Variants in PKM observed in about 807,000 individuals in gnomAD.
PKM encodes the protein pyruvate kinase M1/2, also known as pyruvate kinase PKM.
Under a neutral mutation model 49.8 loss-of-function variants are expected in PKM, and 18 were observed. The observed-to-expected ratio is 0.36, with a 90% confidence interval of 0.25 to 0.54. PKM has a LOEUF of 0.54. Among genes scored for constraint, PKM ranks in the 20% least tolerant of loss-of-function variants. PKM has a pLI of 0.89. For missense variants in PKM, 508 were observed against 713.8 expected (o/e 0.71, Z 3.28); for synonymous variants, 239 against 261.8 (o/e 0.91, Z 0.84).
chr15:72,227,367 G>A (rs916718352), intron 1 of PKM, among the ~76,000 whole-genome samples: 4 of 152,188 alleles, frequency 2.6e-5, no homozygotes, highest in Non-Finnish European at 4.4e-5. Context: ...AGAAAGAAGG[G>A]TAATGTCAAA....
At chr15:72,208,244 G>A (rs2082135978) in intron 6 of PKM, among the ~76,000 whole-genome samples, 1 of 152,008 alleles carries the variant, frequency 6.6e-6, no homozygotes, top group African/African-American at 2.4e-5. Context: ...TTAAGTGTCT[G>A]CTGTCATCTT....
chr15:72,205,144 G>A (rs1007947825), intron 8 of PKM, among the ~76,000 whole-genome samples: 1 of 151,490 alleles, frequency 6.6e-6, no homozygotes, highest in Non-Finnish European at 1.5e-5. Flanking sequence ...TCTTTTTTGA[G>A]ACAGGGTGTC....
At chr15:72,219,274 G>A (rs988062591) in intron 1 of PKM, 164 bp from the exon 2 acceptor site, 3 of 624,638 alleles carry the variant, frequency 4.8e-6, no homozygotes, top group Admixed American at 5.8e-5. Flanking sequence ...TGCTCCTCAT[G>A]TTAGAAAAAG....
Position 72,202,997 on chromosome 15 carries a change from G to GTGT in PKM, c.1141-380_1141-378dup, listed in dbSNP as rs766825013. The GTGT allele has an allele frequency of 3.1e-6, 5 of 1,610,566 alleles. No individual in the cohort carries two copies. In the South Asian group the frequency reaches 5.5e-5, roughly 18 times the overall value. On this transcript the variant is annotated intron_variant, in intron 8 of 10. Transcript: ENST00000335181. The surrounding 1 kb of genome is among the most constrained non-coding windows in gnomAD (Gnocchi z 4.5). ...GAGCAAGAGGCTGGTTATCCTAACAGTGTTACCTGCCCTTAGGGCCCTACC... is the reference window on the plus strand; with the variant it reads ...GAGCAAGAGGCTGGTTATCCTAACAGTGTTGTTACCTGCCCTTAGGGCCCTACC...
At chr15:72,221,568 A>C (rs2082525928) in intron 1 of PKM, among the ~76,000 whole-genome samples, 1 of 152,026 alleles carries the variant, frequency 6.6e-6, no homozygotes, top group Admixed American at 6.6e-5. Flanking sequence ...GATTACAGAA[A>C]AAAAAAAATC....
chr15:72,222,685 T>C (rs891390937), intron 1 of PKM, among the ~76,000 whole-genome samples: 4 of 152,112 alleles, frequency 2.6e-5, no homozygotes, highest in East Asian at 1.9e-4. Context: ...AAGCCTGGCG[T>C]ATCCACTGAT....
chr15:72,227,732 G>C (rs1341484554), intron 1 of PKM, among the ~76,000 whole-genome samples: 2 of 34,134 alleles, frequency 5.9e-5, no homozygotes, highest in Non-Finnish European at 5.7e-5. Flanking sequence ...GGCAACAAGA[G>C]CAAAACTATC....
chr15:72,227,768 A>AAAAAAAC (rs1222070037), intron 1 of PKM, among the ~76,000 whole-genome samples: 1 of 124,372 alleles, frequency 8.0e-6, no homozygotes, highest in African/African-American at 4.1e-5. Context: ...AAAAAAAAAA[A>AAAAAAAC]AAAAAACAAA....
intron 9 of PKM, chr15:72,201,096 G>C (rs950171624): frequency 6.0e-6 from 1 of 167,648 alleles, no homozygotes; most frequent in African/African-American, 2.4e-5. Context: ...AGGAGCAGTA[G>C]CAGAGCTGAC....
Position 72,200,026 on chromosome 15 carries a change from C to A in PKM, c.1490-270G>T, listed in dbSNP as rs1330360769. On this transcript the variant is annotated intron_variant, in intron 10 of 10. Transcript: ENST00000335181. This position sits in a 1 kb window ranked among gnomAD's most constrained non-coding sequence, Gnocchi z 4.6. ...CCTTGCCCAGGGTCAGAGCTAGCTG[C>A]TTCCTGTCATCTGATGATACCCTAC... 6.6e-6 allele frequency among the ~76,000 whole-genome samples: 1 copy of A among 152,140 alleles called. No individual in the cohort carries two copies. The highest frequency in any genetic ancestry group is 1.5e-5 in the Non-Finnish European group (1 of 68,016).
chr15:72,223,824 C>A (rs574851143), intron 1 of PKM, among the ~76,000 whole-genome samples: 27 of 152,040 alleles, frequency 1.8e-4, no homozygotes, highest in Non-Finnish European at 3.4e-4. Context: ...CACTTTAACC[C>A]CAGGAGGCCC....
At chr15:72,225,708 T>G (rs1157022735) in intron 1 of PKM, among the ~76,000 whole-genome samples, 1 of 152,252 alleles carries the variant, frequency 6.6e-6, no homozygotes, top group African/African-American at 2.4e-5. Flanking sequence ...TCATTTAAGC[T>G]GTTACACTAG....
chr15:72,226,932 G>A (rs555401296), intron 1 of PKM, among the ~76,000 whole-genome samples: 1 of 152,358 alleles, frequency 6.6e-6, no homozygotes, highest in Admixed American at 6.5e-5. Flanking sequence ...CTGCATGGTA[G>A]GGGCCCTAAA....
intron 1 of PKM, chr15:72,219,384 T>C (rs897982216): frequency 5.2e-5 from 18 of 348,776 alleles, no homozygotes; most frequent in Admixed American, 4.1e-4. Flanking sequence ...AGCAGGTCTC[T>C]CTTACACTGG....
chr15:72,213,677 C>T (rs576706575), intron 3 of PKM, among the ~76,000 whole-genome samples: 7 of 152,320 alleles, frequency 4.6e-5, no homozygotes, highest in African/African-American at 1.2e-4. Context: ...GTGATCCCTC[C>T]GCCTTGGCCT....
intron 1 of PKM, among the ~76,000 whole-genome samples, chr15:72,227,761 AAAAAAAAAAAAAAC>A (rs1277658613): frequency 8.9e-5 from 12 of 134,220 alleles, no homozygotes; most frequent in South Asian, 2.2e-4. Flanking sequence ...AAAAAAAAAA[AAAAAAAAAAAAAAC>A]AAAAAACTGA....
intron 6 of PKM, 107 bp from the exon 7 acceptor site, chr15:72,207,384 C>G: frequency 1.0e-6 from 1 of 960,054 alleles, no homozygotes; most frequent in Non-Finnish European, 1.7e-6. Context: ...GTCCTTGTAC[C>G]AGGACAGACA....
intron 4 of PKM, 173 bp downstream of exon 4, chr15:72,210,174 A>T: frequency 1.3e-6 from 1 of 796,408 alleles, no homozygotes; most frequent in Non-Finnish European, 2.0e-6. Context: ...CTAGCAAAGT[A>T]GATCAAATCA....
Position 72,199,723 on chromosome 15 carries a change from A to C in PKM, c.1523T>G (p.Val508Gly), listed in dbSNP as rs1484637605. The stretch of plus-strand genomic sequence containing the variant: ...GCGCCATCCGGTCAGCACAATGACC[A>C]CATCTCCCTTCTTGAAGAAGCCTCG... Reference protein sequence around the residue: ...KARGFFKKGDVVIVLTGWRPG... With the variant: ...KARGFFKKGDGVIVLTGWRPG... The change falls in exon 11 of 11, where the codon GTG (valine) becomes GGG (glycine). Residue 508 changes from valine to glycine, a missense_variant. Val to Gly is a moderately radical substitution (Grantham distance 109). Transcript: ENST00000335181. 1 of 1,613,856 alleles carries C rather than the reference A, an allele frequency of 6.2e-7. No homozygotes were observed. The highest frequency in any genetic ancestry group is 8.5e-7 in the Non-Finnish European group (1 of 1,179,868).
Sources: allele counts gnomAD v4.1 joint callset (sites outside exome capture counted in the v4.1 genomes callset), GRCh38; gene constraint gnomAD v4.1.1; non-coding constraint Gnocchi (gnomAD v3.1); transcripts MANE v1.5; gene names NCBI Gene and HGNC (gene_info 2026-07-23, HGNC 2026-07-21).